JAZF1: variants seen among roughly 807,000 people sequenced by gnomAD.
JAZF1 encodes JAZF zinc finger 1, also known as juxtaposed with another zinc finger protein 1.
A neutral mutation model predicts 26.4 loss-of-function variants in JAZF1; 8 were observed. The observed-to-expected ratio is 0.30, with a 90% confidence interval of 0.18 to 0.55. JAZF1 has a LOEUF of 0.55. Ranked by LOEUF, JAZF1 falls within the 20% of genes least tolerant of loss-of-function variation. The pLI is 0.94. For missense variants in JAZF1, 199 were observed against 322.0 expected (o/e 0.62, Z 2.92); for synonymous variants, 126 against 122.3 (o/e 1.03, Z -0.20).
chr7:27,896,938 G>A (rs1437381540), intron 2 of JAZF1, among the ~76,000 whole-genome samples: 4 of 152,212 alleles, frequency 2.6e-5, no homozygotes, highest in Non-Finnish European at 5.9e-5. Context: ...AGGCAAAAGA[G>A]AATTGTTTGC....
intron 1 of JAZF1, among the ~76,000 whole-genome samples, chr7:28,141,503 A>G (rs761672141): frequency 1.6e-4 from 24 of 152,228 alleles, no homozygotes; most frequent in Admixed American, 9.8e-4. Flanking sequence ...TGTCAATTCA[A>G]CTTTTACAGG....
chr7:28,131,766 T>C (rs946605183), intron 1 of JAZF1, among the ~76,000 whole-genome samples: 4 of 152,344 alleles, frequency 2.6e-5, no homozygotes, highest in Middle Eastern at 6.8e-3. Flanking sequence ...CTAATTTTTC[T>C]AAGCTCTAGG....
chr7:28,147,547 G>A (rs1409791367), intron 1 of JAZF1, among the ~76,000 whole-genome samples: 1 of 151,094 alleles, frequency 6.6e-6, no homozygotes, highest in Non-Finnish European at 1.5e-5. Flanking sequence ...CTGGAAAATA[G>A]AGAAAAGAAA....
intron 1 of JAZF1, among the ~76,000 whole-genome samples, chr7:28,152,363 T>C (rs1783124973): frequency 6.6e-6 from 1 of 152,218 alleles, no homozygotes; most frequent in Admixed American, 6.5e-5. Context: ...AGGCTTGACT[T>C]ACTACTCATG....
intron 2 of JAZF1, among the ~76,000 whole-genome samples, chr7:27,927,827 T>G (rs1036700534): frequency 6.6e-6 from 1 of 152,190 alleles, no homozygotes; most frequent in Non-Finnish European, 1.5e-5. Flanking sequence ...AAATGCTAAT[T>G]AGTATCCTAC....
At chr7:28,156,866 G>A (rs1384582824) in intron 1 of JAZF1, among the ~76,000 whole-genome samples, 1 of 152,180 alleles carries the variant, frequency 6.6e-6, no homozygotes, top group Non-Finnish European at 1.5e-5. Flanking sequence ...ATTCTTATGA[G>A]ACAGTCATTG....
intron 1 of JAZF1, among the ~76,000 whole-genome samples, chr7:28,174,474 G>A (rs1783518690): frequency 1.3e-5 from 2 of 152,122 alleles, no homozygotes; most frequent in South Asian, 4.1e-4. Flanking sequence ...CTGTCAGTTT[G>A]TATTTCTAGA....
chr7:28,110,576 AG>A lies in JAZF1; in HGVS notation c.115+69886del, dbSNP rs1188564192. Among the ~76,000 whole-genome samples, 115 of 132,940 alleles carry A rather than the reference AG, an allele frequency of 8.7e-4. 11 individuals carry two copies. The highest frequency in any genetic ancestry group is 3.2e-3 in the African/African-American group (114 of 36,128). The allele number at this position is 132,940 out of a possible 152,430, so 87.2% of individuals were successfully genotyped here. On this transcript the variant is annotated intron_variant, in intron 1 of 4. Transcript: ENST00000283928. ...AAAGGAAAGGGAAAGGAAAAGGGAA[AG>A]GGAAAAGGAAAAGGAAAAGGAAAAG...
chr7:27,915,733 GT>G (rs1322383983), intron 2 of JAZF1, among the ~76,000 whole-genome samples: 1 of 152,108 alleles, frequency 6.6e-6, no homozygotes, highest in Non-Finnish European at 1.5e-5. Flanking sequence ...AAGTAATTGA[GT>G]AATGAATAAT....
intron 1 of JAZF1, among the ~76,000 whole-genome samples, chr7:28,178,698 G>A (rs1482459396): frequency 6.6e-6 from 1 of 152,154 alleles, no homozygotes; most frequent in Non-Finnish European, 1.5e-5. Context: ...AGCACTTTCA[G>A]TTATGACTAT....
chr7:28,067,050 A>G (rs1449165765), intron 1 of JAZF1, among the ~76,000 whole-genome samples: 2 of 152,110 alleles, frequency 1.3e-5, no homozygotes, highest in Non-Finnish European at 2.9e-5. Flanking sequence ...GAAAATGAGA[A>G]TCTTTGACAA....
intron 2 of JAZF1, among the ~76,000 whole-genome samples, chr7:27,963,560 C>CG (rs1212951743): frequency 1.0e-5 from 1 of 99,258 alleles, no homozygotes; most frequent in Non-Finnish European, 1.9e-5. Context: ...TTTGCAATTC[C>CG]CCCCCCCCCT....
rs529676247 is a variant in JAZF1 at position 28,129,309 on chromosome 7, A to G, written c.115+51154T>C. Reference sequence around the variant, plus strand: ...AGAGCCTAGAAAATACTTTAACATTATAAGACAGCTACACATGGACAAATC... The same window carrying G: ...AGAGCCTAGAAAATACTTTAACATTGTAAGACAGCTACACATGGACAAATC... On this transcript the variant is annotated intron_variant, in intron 1 of 4. Transcript: ENST00000283928. Among the ~76,000 whole-genome samples the G allele has an allele frequency of 2.6e-5, 4 of 152,270 alleles. No homozygotes were observed. In the East Asian group the frequency reaches 5.8e-4, roughly 22 times the overall value.
Position 27,895,396 on chromosome 7 carries a change from C to T in JAZF1, c.209G>A (p.Arg70His), listed in dbSNP as rs1290410969. 1.9e-6 allele frequency: 3 copies of T among 1,599,944 alleles called. No individual in the cohort carries two copies. Among genetic ancestry groups the T allele is most frequent in the Non-Finnish European group, 2.6e-6 (3 of 1,173,242 alleles). The part of the protein sequence containing the change: ...YINRFMTDAA[R>H]REQESLKKKI... ...CTTCTTTAGGGACTCCTGCTCTCGG[C>T]GGGCAGCATCTGTCATGAATCTGAA... Residue 70 changes from arginine (R) to histidine (H), a missense_variant, in exon 3 of 5, where the codon CGC (arginine) becomes CAC (histidine). Physicochemically the swap from Arg to His is conservative, Grantham distance 29 (BLOSUM62 0). This residue lies in a region of JAZF1 where 137 missense variants were observed against 184.8 expected (regional missense o/e 0.74). Transcript: ENST00000283928.
At position 28,024,127 on chromosome 7, in the gene JAZF1, A is replaced by T. The variant is rs560934800; in HGVS notation, c.116-32146T>A. Among the ~76,000 whole-genome samples the T allele has an allele frequency of 5.9e-3, 895 of 152,018 alleles. 4 individuals are homozygous for T. Among genetic ancestry groups the T allele is most frequent in the Middle Eastern group, 0.014 (4 of 294 alleles). On this transcript the variant is annotated intron_variant, in intron 1 of 4. Coordinates refer to ENST00000283928, the MANE Select transcript of JAZF1 (RefSeq NM_175061.4). Reference sequence around the variant, plus strand: ...ATAGCAAGACCCATCTCTAAAAAAAAAAAATAAAATAAAAAATTTAAAAAT... The same window carrying T: ...ATAGCAAGACCCATCTCTAAAAAAATAAAATAAAATAAAAAATTTAAAAAT...
chr7:28,020,773 C>G (rs1782994107), intron 1 of JAZF1: 2 of 459,572 alleles, frequency 4.4e-6, no homozygotes, highest in South Asian at 3.2e-5. Context: ...GGCTGAGCAT[C>G]TCTTCTCCAG....
At chr7:28,024,687 T>C (rs894346585) in intron 1 of JAZF1, among the ~76,000 whole-genome samples, 2 of 152,210 alleles carry the variant, frequency 1.3e-5, no homozygotes, top group Non-Finnish European at 2.9e-5. Flanking sequence ...CTTTGGAAGA[T>C]AGGAAGTGAT....
intron 1 of JAZF1, among the ~76,000 whole-genome samples, chr7:27,995,581 T>A (rs1785998455): frequency 6.6e-6 from 1 of 152,176 alleles, no homozygotes; most frequent in African/African-American, 2.4e-5. Flanking sequence ...ATAATTCACA[T>A]ATTAAAATAT....
At chr7:27,914,909 A>G in intron 2 of JAZF1, 1 of 456,832 alleles carries the variant, frequency 2.2e-6, no homozygotes, top group South Asian at 1.6e-5. Context: ...TATTCATGGC[A>G]GTAACCAGAG....
Sources: gnomAD v4.1 joint callset for allele counts (sites outside exome capture counted in the v4.1 genomes callset) on GRCh38, gnomAD v4.1.1 for gene constraint, gnomAD v4.1.1 regional missense constraint, MANE v1.5 for transcripts, NCBI Gene and HGNC (gene_info 2026-07-23, HGNC 2026-07-21) for gene names.